The following CUBN variants were observed in gnomAD, a reference collection of about 807,000 sequenced individuals.
CUBN encodes 460 kDa receptor.
Under a neutral mutation model 405.3 loss-of-function variants are expected in CUBN, and 282 were observed. The observed-to-expected ratio is 0.70, with a 90% CI of 0.63 to 0.77. The LOEUF (loss-of-function observed/expected upper bound fraction) is 0.77. Ranked by LOEUF, CUBN falls within the 30% of genes least tolerant of loss-of-function variation. The pLI is 0.00. For synonymous variants in CUBN, 1,684 were observed against 1,617.0 expected (o/e 1.04, Z -0.99); for missense variants, 4,514 against 4,475.2 (o/e 1.01, Z -0.25).
intron 28 of CUBN, 60 bp from the exon 29 acceptor site, chr10:16,990,575 C>A: frequency 6.8e-7 from 1 of 1,465,980 alleles, no homozygotes; most frequent in Non-Finnish European, 9.5e-7. Context: ...GAAAATAATT[C>A]CAAATTCAAC....
In CUBN at chr10:16,901,330, G is replaced by C; in HGVS notation, c.8184+8C>G. ...TCAGAAGCATTTCACCCAGTCATTA[G>C]CACTCACAGTGATGGTGTGCCCTTG... On this transcript the variant is annotated splice_region_variant and intron_variant, in intron 52 of 66. Transcript: ENST00000377833. 1 of 1,614,108 alleles carries C rather than the reference G, an allele frequency of 6.2e-7. No homozygotes were observed. Among genetic ancestry groups the C allele is most frequent in the Non-Finnish European group, 8.5e-7 (1 of 1,179,956 alleles).
At chr10:17,054,417 C>G (rs1835344087) in intron 22 of CUBN, among the ~76,000 whole-genome samples, 1 of 150,240 alleles carries the variant, frequency 6.7e-6, no homozygotes, top group Non-Finnish European at 1.5e-5. Flanking sequence ...TAATTTTTAT[C>G]TAAAGAAACT....
chr10:16,881,789 T>G (rs1488190757), intron 56 of CUBN, among the ~76,000 whole-genome samples: 1 of 152,130 alleles, frequency 6.6e-6, no homozygotes. Flanking sequence ...TAAGAAAATA[T>G]AAAAAATTAA....
At chr10:17,068,481 T>A in intron 20 of CUBN, 124 bp downstream of exon 20, 1 of 950,446 alleles carries the variant, frequency 1.1e-6, no homozygotes, top group Non-Finnish European at 1.6e-6. Context: ...TATACATTCT[T>A]TGTCTTTGAG....
In CUBN at chr10:16,925,253, C is replaced by T. The variant is rs1842150310; in HGVS notation, c.6634G>A (p.Ala2212Thr). Reference sequence around the variant, plus strand: ...TGAAAATACTTACCTAAACTCTTTGCCTCATATTTGATTTTAAATCCTTGC... The same window carrying T: ...TGAAAATACTTACCTAAACTCTTTGTCTCATATTTGATTTTAAATCCTTGC... ...EGQGFKIKYEAKSLACGGNVY... is the reference protein window; with the variant it reads ...EGQGFKIKYETKSLACGGNVY... Residue 2212 changes from alanine (A) to threonine (T), a missense_variant, in exon 43 of 67, where the codon GCA becomes ACA. Ala to Thr is a moderately conservative substitution (Grantham distance 58, BLOSUM62 0). This residue lies in a region of CUBN where 1,613 missense variants were observed against 1,542.8 expected (regional missense o/e 1.05). Transcript: ENST00000377833. The T allele has an allele frequency of 6.2e-7, 1 of 1,611,916 alleles. No homozygotes were observed. Among genetic ancestry groups the T allele is most frequent in the Non-Finnish European group, 8.5e-7 (1 of 1,178,156 alleles).
intron 43 of CUBN, among the ~76,000 whole-genome samples, chr10:16,924,150 T>C (rs143384584): frequency 1.1e-3 from 160 of 152,196 alleles, no homozygotes; most frequent in African/African-American, 3.3e-3. Context: ...TGGGCTGACG[T>C]CTACTCACTA....
chr10:17,082,019 A>G (rs1248645472), intron 17 of CUBN, among the ~76,000 whole-genome samples: 1 of 152,094 alleles, frequency 6.6e-6, no homozygotes, highest in Admixed American at 6.5e-5. Flanking sequence ...CTTTGAGGAT[A>G]TGTGGTTACA....
At chr10:16,921,972 G>A (rs1467171014) in intron 43 of CUBN, among the ~76,000 whole-genome samples, 1 of 152,118 alleles carries the variant, frequency 6.6e-6, no homozygotes, top group Non-Finnish European at 1.5e-5. Flanking sequence ...CTCCATACCT[G>A]AGTCTGCTGA....
intron 28 of CUBN, among the ~76,000 whole-genome samples, chr10:17,012,703 G>C (rs1834217546): frequency 6.6e-6 from 1 of 152,134 alleles, no homozygotes; most frequent in Non-Finnish European, 1.5e-5. Flanking sequence ...ACTTAGAATT[G>C]GTATAGATGG....
chr10:16,922,165 G>C (rs1270664660), intron 43 of CUBN, among the ~76,000 whole-genome samples: 1 of 152,004 alleles, frequency 6.6e-6, no homozygotes, highest in Non-Finnish European at 1.5e-5. Context: ...ACATCCCCGG[G>C]GCCTGATACA....
intron 36 of CUBN, among the ~76,000 whole-genome samples, chr10:16,942,018 T>C (rs1217442081): frequency 6.6e-6 from 1 of 152,070 alleles, no homozygotes; most frequent in Non-Finnish European, 1.5e-5. Flanking sequence ...TGAACAGATA[T>C]TCATAAAAGA....
In CUBN at chr10:16,990,318, C is replaced by A; in HGVS notation, c.4350+16G>T. The A allele has an allele frequency of 6.2e-7, 1 of 1,613,904 alleles. No homozygotes were observed. Among genetic ancestry groups the A allele is most frequent in the South Asian group, 1.1e-5 (1 of 91,082 alleles). ...CAAACTTTGGAATGTGCTGAAAAAACCATCTCACTTCCTACCTCCAAGACA... is the reference window on the plus strand; with the variant it reads ...CAAACTTTGGAATGTGCTGAAAAAAACATCTCACTTCCTACCTCCAAGACA... On this transcript the variant is annotated intron_variant, in intron 29 of 66. Transcript: ENST00000377833.
At chr10:16,928,512 C>T (rs1249550917) in intron 40 of CUBN, among the ~76,000 whole-genome samples, 1 of 128,616 alleles carries the variant, frequency 7.8e-6, no homozygotes. Context: ...TTCTTTACCC[C>T]CACCCCACCC....
chr10:16,898,066 GT>G, intron 54 of CUBN, among the ~76,000 whole-genome samples: 2 of 145,028 alleles, frequency 1.4e-5, no homozygotes, highest in South Asian at 4.3e-4. Flanking sequence ...TTTATTATAT[GT>G]ATATATATAT....
In CUBN at chr10:16,925,705, G is replaced by T. The variant is rs146692241; in HGVS notation, c.6341C>A (p.Ser2114Tyr). 4 of 1,613,938 alleles carry T rather than the reference G, an allele frequency of 2.5e-6. No homozygotes were observed. Among genetic ancestry groups the T allele is most frequent in the East Asian group, 4.5e-5 (2 of 44,894 alleles). Residue 2114 changes from serine to tyrosine, a missense_variant, in exon 42 of 67, where the codon TCC (serine) becomes TAC (tyrosine). Transcript: ENST00000377833. The part of the protein sequence containing the change: ...TSPKYPETYP[S>Y]NLNCSWHVLV... ...GACGTGCCAAGAACAGTTGAGGTTGGATGGGTAAGTCTCTGGATACTTGGG... is the reference window on the plus strand; with the variant it reads ...GACGTGCCAAGAACAGTTGAGGTTGTATGGGTAAGTCTCTGGATACTTGGG...
intron 27 of CUBN, 62 bp downstream of exon 27, chr10:17,040,971 T>C: frequency 7.3e-6 from 11 of 1,504,064 alleles, no homozygotes; most frequent in Non-Finnish European, 1.0e-5. Context: ...TGATGGATTC[T>C]AACTTGACAC....
chr10:17,007,847 C>T (rs1052072340), intron 28 of CUBN, among the ~76,000 whole-genome samples: 1 of 152,174 alleles, frequency 6.6e-6, no homozygotes. Flanking sequence ...GTTACACACA[C>T]TCACACAAAT....
At position 17,100,117 on chromosome 10, in the gene CUBN, G is replaced by A. The variant is rs372499101; in HGVS notation, c.1653C>T (p.Ser551=). The part of the protein sequence containing the change: ...SAFQLGRFCG[S]SLPHELLSSD... Reference sequence around the variant, plus strand: ...TGCTGAGGAGTTCATGAGGGAGGCTGGAGCCACAAAATCTTCCAAGTTGAA... The same window carrying A: ...TGCTGAGGAGTTCATGAGGGAGGCTAGAGCCACAAAATCTTCCAAGTTGAA... Residue 551 remains serine (S), a synonymous_variant, in exon 14 of 67, where the codon TCC becomes TCT. Transcript: ENST00000377833. 2.4e-5 allele frequency: 39 copies of A among 1,613,672 alleles called. No individual in the cohort carries two copies. Among genetic ancestry groups the A allele is most frequent in the Non-Finnish European group, 3.1e-5 (37 of 1,179,738 alleles).
intron 59 of CUBN, among the ~76,000 whole-genome samples, chr10:16,856,453 G>A (rs1425003720): frequency 6.6e-6 from 1 of 152,126 alleles, no homozygotes; most frequent in Admixed American, 6.5e-5. Flanking sequence ...TGAGATCCAG[G>A]TCTAAATCTA....
Sources: allele counts gnomAD v4.1 joint callset (sites outside exome capture counted in the v4.1 genomes callset), GRCh38; gene constraint gnomAD v4.1.1; regional missense constraint gnomAD v4.1.1; transcripts MANE v1.5; gene names NCBI Gene and HGNC (gene_info 2026-07-23, HGNC 2026-07-21).